The following SOHLH1 variants were observed in gnomAD, a reference collection of about 807,000 sequenced individuals.
SOHLH1 encodes the protein spermatogenesis and oogenesis specific basic helix-loop-helix 1, also known as spermatogenesis- and oogenesis-specific basic helix-loop-helix-containing protein 1.
Under a neutral mutation model 36.2 loss-of-function variants are expected in SOHLH1, and 23 were observed. The observed-to-expected ratio is 0.64, with a 90% CI of 0.46 to 0.90. SOHLH1 has a LOEUF of 0.90. Among genes scored for constraint, SOHLH1 ranks in the 40% least tolerant of loss-of-function variants. The pLI is 0.00. For missense variants in SOHLH1, 608 were observed against 517.0 expected (o/e 1.18, Z -1.71); for synonymous variants, 289 against 228.3 (o/e 1.27, Z -2.40).
Position 135,698,484 on chromosome 9 carries a change from C to A in SOHLH1, c.198-8G>T. The A allele has an allele frequency of 6.2e-7, 1 of 1,613,092 alleles. No homozygotes were observed. Among genetic ancestry groups the A allele is most frequent in the East Asian group, 2.2e-5 (1 of 44,886 alleles). On this transcript the variant is annotated splice_region_variant and splice_polypyrimidine_tract_variant and intron_variant, in intron 2 of 7. Coordinates refer to ENST00000425225, the MANE Select transcript of SOHLH1 (RefSeq NM_001101677.2). ...CTCAACGACATCCGCTTCCTGGTTC[C>A]GGTCAAGAAACAAATACCTCTGGGC... is the stretch of plus-strand genomic sequence containing the variant.
At chr9:135,694,673 C>T (rs1038474611) in intron 6 of SOHLH1, among the ~76,000 whole-genome samples, 3 of 152,184 alleles carry the variant, frequency 2.0e-5, no homozygotes, top group African/African-American at 7.2e-5. Context: ...ATCCGTCCTG[C>T]AGAGCATCTC....
At chr9:135,698,973 C>G in intron 2 of SOHLH1, 22 bp downstream of exon 2, 13 of 1,611,232 alleles carry the variant, frequency 8.1e-6, no homozygotes, top group Non-Finnish European at 1.0e-5. Context: ...CGCCCTCACC[C>G]CTGGGAGGCA....
upstream of SOHLH1, chr9:135,699,647 A>C: frequency 6.1e-6 from 4 of 652,522 alleles, no homozygotes; most frequent in South Asian, 3.5e-5. Flanking sequence ...CCCGGGGCCC[A>C]CGTGACCCGC....
upstream of SOHLH1, among the ~76,000 whole-genome samples, chr9:135,701,593 C>T (rs1478927049): frequency 6.6e-6 from 1 of 152,206 alleles, no homozygotes; most frequent in East Asian, 1.9e-4. Flanking sequence ...CCTCCCCACC[C>T]GTCTAAAGGT....
chr9:135,696,252 AG>A (rs1834793551), intron 5 of SOHLH1, among the ~76,000 whole-genome samples: 1 of 126,362 alleles, frequency 7.9e-6, no homozygotes, highest in Non-Finnish European at 1.9e-5. Flanking sequence ...GCTTCCCAGC[AG>A]ACCCAGGGAC....
At chr9:135,694,082 C>A (rs1396182117) in intron 7 of SOHLH1, 30 of 1,426,904 alleles carry the variant, frequency 2.1e-5, no homozygotes, top group Non-Finnish European at 2.5e-5. Flanking sequence ...TACACCTTTG[C>A]CGGCCAGCAC....
In SOHLH1 at chr9:135,699,069, C is replaced by G. The variant is rs778083451; in HGVS notation, c.123G>C (p.Pro41=). The change falls in exon 2 of 8, where the codon CCG becomes CCC. Residue 41 remains proline (P), a synonymous_variant. Transcript: ENST00000425225. ...CCEDSARGSG[P]PKAPTVAEGP... ...CCTCGGCCACCGTAGGGGCCTTGGG[C>G]GGGCCCGAGCCCCGGGCCGAGTCCT... 3.1e-5 allele frequency: 50 copies of G among 1,610,724 alleles called. No homozygotes were observed. The highest frequency in any genetic ancestry group is 5.0e-5 in the Admixed American group (3 of 59,942).
In SOHLH1 at chr9:135,699,101, A is replaced by G. The variant is rs199935200; in HGVS notation, c.91T>C (p.Cys31Arg). The G allele has an allele frequency of 5.5e-5, 89 of 1,607,324 alleles. No individual in the cohort carries two copies. The East Asian group carries it at 1.8e-3, about 32-fold the overall frequency. ...GAGCCCCGGGCCGAGTCCTCGCAGC[A>G]GGAGAGGGCACCAGACAGGGAGCCG... ...CNGSLSGALS[C>R]CEDSARGSGP... Residue 31 changes from cysteine to arginine, a missense_variant, in exon 2 of 8, where the codon TGC becomes CGC. Transcript: ENST00000425225.
chr9:135,698,250 G>A (rs1002347996), intron 3 of SOHLH1, 79 bp downstream of exon 3: 20 of 1,590,898 alleles, frequency 1.3e-5, no homozygotes, highest in Non-Finnish European at 1.5e-5. Flanking sequence ...GATGACAGGG[G>A]ACACACTGCC....
chr9:135,693,641 T>A lies in SOHLH1; in HGVS notation c.1120A>T (p.Lys374Ter). Residue 374 changes from lysine (K) to a stop codon, truncating the protein, a stop_gained, in exon 8 of 8, where the codon AAG becomes TAG. Coordinates refer to ENST00000425225, the MANE Select transcript of SOHLH1 (RefSeq NM_001101677.2). LOFTEE classifies it high-confidence loss of function. Reference protein sequence around the residue: ...LDVDCAGLALKDEVESIFPDF... With the variant: ...LDVDCAGLAL ...GGGAAGATGCTCTCCACCTCGTCCT[T>A]CAGGGCCAGGCCTGCACAGTCCACA... is the stretch of plus-strand genomic sequence containing the variant. The A allele has an allele frequency of 6.3e-7, 1 of 1,587,422 alleles. No individual in the cohort carries two copies. The highest frequency in any genetic ancestry group is 8.6e-7 in the Non-Finnish European group (1 of 1,167,274).
chr9:135,696,480 T>C (rs910237816), intron 5 of SOHLH1, 132 bp downstream of exon 5: 513 of 1,073,028 alleles, frequency 4.8e-4, no homozygotes, highest in Non-Finnish European at 6.6e-4. Flanking sequence ...CACGTGGGTT[T>C]CTCACCAACA....
intron 5 of SOHLH1, among the ~76,000 whole-genome samples, chr9:135,695,760 C>G (rs1834766823): frequency 6.6e-6 from 1 of 152,190 alleles, no homozygotes; most frequent in Non-Finnish European, 1.5e-5. Context: ...GACGCTACCA[C>G]AGCAGGGGCC....
At position 135,699,250 on chromosome 9, in the gene SOHLH1, C is replaced by T. The variant is rs1249815946; in HGVS notation, c.66-124G>A. Reference sequence around the variant, plus strand: ...GCCAAGACTGGGTCACGTAGGGACACGGCCCGGCCCTCTCTGCACCCCTTC... The same window carrying T: ...GCCAAGACTGGGTCACGTAGGGACATGGCCCGGCCCTCTCTGCACCCCTTC... On this transcript the variant is annotated intron_variant, in intron 1 of 7. Coordinates refer to ENST00000425225, the MANE Select transcript of SOHLH1 (RefSeq NM_001101677.2). 1.1e-5 allele frequency: 16 copies of T among 1,506,850 alleles called. No individual in the cohort carries two copies. In the East Asian group the frequency reaches 2.0e-4, roughly 19 times the overall value. The allele number at this position is 1,506,850 out of a possible 1,614,324, so 93.3% of individuals were successfully genotyped here. A position where few individuals can be genotyped will look rare whatever the true frequency, so the allele number is the denominator to read the frequency against.
chr9:135,693,411 G>T lies in SOHLH1; in HGVS notation c.*186C>A, dbSNP rs1834666742. 2 of 801,394 alleles carry T rather than the reference G, an allele frequency of 2.5e-6. No homozygotes were observed. The highest frequency in any genetic ancestry group is 3.8e-6 in the Non-Finnish European group (2 of 530,696). 49.6% of individuals were successfully genotyped at this position (801,394 alleles called of 1,614,324 possible). A position where few individuals can be genotyped will look rare whatever the true frequency, so the allele number is the denominator to read the frequency against. On this transcript the variant is annotated 3_prime_UTR_variant, in exon 8 of 8. Coordinates refer to ENST00000425225, the MANE Select transcript of SOHLH1 (RefSeq NM_001101677.2). ...ATTACACAGAAGCCACACAGGTTTT[G>T]CTTCCTCCAGGAAAACTGCTTTCCC...
rs1834678448 is a variant in SOHLH1 at position 135,693,670 on chromosome 9, A to G, written c.1091T>C (p.Leu364Pro). ...GGCCAGGCCTGCACAGTCCACATCC[A>G]GGCCCCACGGCTCCAGAGGGCTGTC... is the stretch of plus-strand genomic sequence containing the variant. Reference protein sequence around the residue: ...LQDSPLEPWGLDVDCAGLALK... With the variant: ...LQDSPLEPWGPDVDCAGLALK... Residue 364 changes from leucine to proline, a missense_variant, in exon 8 of 8, where the codon CTG becomes CCG. Coordinates refer to ENST00000425225, the MANE Select transcript of SOHLH1 (RefSeq NM_001101677.2). 1.3e-6 allele frequency: 2 copies of G among 1,586,146 alleles called. No homozygotes were observed. The highest frequency in any genetic ancestry group is 2.3e-5 in the South Asian group (2 of 86,472).
rs1408740562 is a variant in SOHLH1, at chr9:135,695,205, T to A, written c.720A>T (p.Pro240=). The part of the protein sequence containing the change: ...PGRSLPKAVR[P]PLSWPPFSQQ... ...GCGAGAACGGAGGCCAGGACAGGGG[T>A]GGCCTCACAGCCTTAGGAAGACTCC... The change falls in exon 6 of 8, where the codon CCA becomes CCT. Residue 240 remains proline, a synonymous_variant. Coordinates refer to ENST00000425225, the MANE Select transcript of SOHLH1 (RefSeq NM_001101677.2). 2 of 1,605,004 alleles carry A rather than the reference T, an allele frequency of 1.2e-6. No homozygotes were observed. The highest frequency in any genetic ancestry group is 4.5e-5 in the East Asian group (2 of 44,570).
chr9:135,694,958 G>A (rs1245713436), intron 6 of SOHLH1, 92 bp downstream of exon 6: 5 of 1,352,600 alleles, frequency 3.7e-6, no homozygotes, highest in Admixed American at 4.1e-5. Context: ...CCGAGAAAGT[G>A]GGCCCAAGCA....
At position 135,695,036 on chromosome 9, in the gene SOHLH1, A is replaced by G. The variant is rs747479486; in HGVS notation, c.875+14T>C. The G allele has an allele frequency of 2.5e-6, 4 of 1,582,922 alleles. No individual in the cohort carries two copies. In the East Asian group the frequency reaches 9.3e-5, roughly 37 times the overall value. ...TCACGCACACACAGGCGTGCACACC[A>G]CCTGGGCACTCACCCGGCCTCCTGC... On this transcript the variant is annotated intron_variant, in intron 6 of 7. Coordinates refer to ENST00000425225, the MANE Select transcript of SOHLH1 (RefSeq NM_001101677.2).
chr9:135,697,192 G>A (rs901057864), intron 4 of SOHLH1, among the ~76,000 whole-genome samples: 1 of 152,206 alleles, frequency 6.6e-6, no homozygotes, highest in African/African-American at 2.4e-5. Context: ...CCATGGGGAG[G>A]AGTATGACAC....
Sources: gnomAD v4.1 joint callset for allele counts (sites outside exome capture counted in the v4.1 genomes callset) on GRCh38, gnomAD v4.1.1 for gene constraint, MANE v1.5 for transcripts, NCBI Gene and HGNC (gene_info 2026-07-23, HGNC 2026-07-21) for gene names.